Variants in C12orf42 observed in about 807,000 individuals in gnomAD.
C12orf42 encodes chromosome 12 open reading frame 42, also known as uncharacterized protein C12orf42.
Under a neutral mutation model 21.6 loss-of-function variants are expected in C12orf42, and 25 were observed. That is an observed-to-expected ratio of 1.16 (90% CI 0.84 to 1.62). C12orf42 has a LOEUF of 1.62. Among genes scored for constraint, C12orf42 ranks in the 40% most tolerant of loss-of-function variants. C12orf42 has a pLI of 0.00. For synonymous variants in C12orf42, 174 were observed against 175.0 expected (o/e 0.99, Z 0.05); for missense variants, 483 against 459.3 (o/e 1.05, Z -0.47).
chr12:103,534,267 T>G, the C12orf42 span, among the ~76,000 whole-genome samples: 1 of 152,204 alleles, frequency 6.6e-6, no homozygotes, highest in African/African-American at 2.4e-5. Context: ...CCACAGAAAT[T>G]CTTCTGAGGC....
the C12orf42 span, among the ~76,000 whole-genome samples, chr12:103,174,618 A>C: frequency 4.7e-5 from 7 of 148,284 alleles, no homozygotes; most frequent in Admixed American, 1.3e-4. Context: ...GTTCCCTCTG[A>C]AAATCTGTTA....
chr12:103,552,964 C>T, the C12orf42 span, among the ~76,000 whole-genome samples: 10 of 152,130 alleles, frequency 6.6e-5, no homozygotes, highest in Non-Finnish European at 1.2e-4. Context: ...CACTCACTAT[C>T]ATGAGAACAG....
In C12orf42 at chr12:103,306,262, T is replaced by A; in HGVS notation, c.343A>T (p.Ser115Cys). 6.2e-7 allele frequency: 1 copy of A among 1,613,864 alleles called. No individual in the cohort carries two copies. The highest frequency in any genetic ancestry group is 2.2e-5 in the East Asian group (1 of 44,880). ...CQYIVPRCSV[S>C]TVSFDEESYE... Reference sequence around the variant, plus strand: ...CTTTCTTCATCAAAAGAAACTGTGCTTACAGAACACCTGGGGACTATGTAC... The same window carrying A: ...CTTTCTTCATCAAAAGAAACTGTGCATACAGAACACCTGGGGACTATGTAC... The change falls in exon 5 of 6, where the codon AGC (serine) becomes TGC (cysteine). Residue 115 changes from serine to cysteine, a missense_variant. Physicochemically the swap from Ser to Cys is moderately radical, Grantham distance 112. Coordinates refer to ENST00000548883, the MANE Select transcript of C12orf42 (RefSeq NM_198521.5).
the C12orf42 span, among the ~76,000 whole-genome samples, chr12:103,516,327 A>G: frequency 2.6e-5 from 4 of 152,260 alleles, no homozygotes; most frequent in Non-Finnish European, 5.9e-5. Flanking sequence ...GATTCCATAT[A>G]CAAATAACTT....
At chr12:103,445,803 G>T (rs1342156984) in intron 2 of C12orf42, among the ~76,000 whole-genome samples, 1 of 151,888 alleles carries the variant, frequency 6.6e-6, no homozygotes. Flanking sequence ...TTTGGGTCTT[G>T]TTTTTGAAAA....
At chr12:103,066,404 C>T in the C12orf42 span, among the ~76,000 whole-genome samples, 1 of 152,190 alleles carries the variant, frequency 6.6e-6, no homozygotes, top group African/African-American at 2.4e-5. Context: ...TGCCTTATCT[C>T]CCCCATCCTG....
the C12orf42 span, among the ~76,000 whole-genome samples, chr12:103,546,496 C>T: frequency 6.6e-6 from 1 of 151,986 alleles, no homozygotes. Context: ...AAAATAAACA[C>T]TTAGCAGAAA....
intron 3 of C12orf42, among the ~76,000 whole-genome samples, chr12:103,398,236 T>C (rs1222055883): frequency 6.6e-6 from 1 of 152,216 alleles, no homozygotes; most frequent in Non-Finnish European, 1.5e-5. Context: ...TCATCTTTCA[T>C]TACAGTTTTT....
the C12orf42 span, among the ~76,000 whole-genome samples, chr12:103,221,892 T>G: frequency 3.5e-4 from 54 of 152,264 alleles, 1 homozygote; most frequent in African/African-American, 1.2e-3. Flanking sequence ...GAAGACAGGA[T>G]TTGTCTTCTT....
At chr12:103,428,927 G>A (rs1269103063) in intron 2 of C12orf42, among the ~76,000 whole-genome samples, 1 of 152,006 alleles carries the variant, frequency 6.6e-6, no homozygotes, top group East Asian at 1.9e-4. Context: ...ACCCCTTCAT[G>A]CTAAAAACTG....
At position 103,270,500 on chromosome 12, in the gene C12orf42, T is replaced by C. The variant is rs77147201; in HGVS notation, n.399-647A>G. On this transcript the variant is annotated intron_variant and non_coding_transcript_variant, in intron 5 of 6. Transcript: ENST00000546526. Reference sequence around the variant, plus strand: ...TTTACATTTTTATTATTGATTTTTTTCCCAAAGATATTTATTTTTATTTTT... The same window carrying C: ...TTTACATTTTTATTATTGATTTTTTCCCCAAAGATATTTATTTTTATTTTT... Among the ~76,000 whole-genome samples the C allele has an allele frequency of 0.011, 1,744 of 151,856 alleles. 95 individuals carry two copies. The East Asian group carries it at 0.19, about 16-fold the overall frequency.
intron 4 of C12orf42, among the ~76,000 whole-genome samples, chr12:103,324,230 C>G (rs1003282095): frequency 5.3e-5 from 8 of 151,918 alleles, no homozygotes; most frequent in Non-Finnish European, 7.4e-5. Context: ...CATTTAGAGC[C>G]TATAAACTCT....
chr12:103,141,143 A>G, the C12orf42 span, among the ~76,000 whole-genome samples: 1 of 152,208 alleles, frequency 6.6e-6, no homozygotes, highest in African/African-American at 2.4e-5. Flanking sequence ...TCTTTACTAA[A>G]CACAGTTCAG....
intron 10 of C12orf42, among the ~76,000 whole-genome samples, chr12:103,260,679 A>G: frequency 6.6e-6 from 1 of 152,214 alleles, no homozygotes; most frequent in East Asian, 1.9e-4. Flanking sequence ...TTTTCACTGA[A>G]TGTGGCCAAA....
the C12orf42 span, among the ~76,000 whole-genome samples, chr12:103,207,848 A>G: frequency 4.6e-5 from 7 of 152,174 alleles, no homozygotes; most frequent in Non-Finnish European, 5.9e-5. Context: ...AAAGAGAAAG[A>G]TTTTCATCAC....
chr12:103,192,310 C>T, the C12orf42 span, among the ~76,000 whole-genome samples: 1 of 152,030 alleles, frequency 6.6e-6, no homozygotes, highest in African/African-American at 2.4e-5. Context: ...CAAGACCATC[C>T]TGGCCAACAT....
chr12:103,547,306 G>A, the C12orf42 span, among the ~76,000 whole-genome samples: 1 of 152,182 alleles, frequency 6.6e-6, no homozygotes, highest in African/African-American at 2.4e-5. Flanking sequence ...GTGGCTAGTA[G>A]CTAATGCATT....
intron 10 of C12orf42, among the ~76,000 whole-genome samples, chr12:103,248,908 A>AAG (rs2034142366): frequency 6.6e-6 from 1 of 152,036 alleles, no homozygotes; most frequent in Non-Finnish European, 1.5e-5. Flanking sequence ...TTTACATATA[A>AAG]TTGTTGAACC....
rs531871345 is a variant in C12orf42 at position 103,464,771 on chromosome 12, G to A, written c.78+13578C>T. On this transcript the variant is annotated intron_variant, in intron 2 of 5. Coordinates refer to ENST00000548883, the MANE Select transcript of C12orf42 (RefSeq NM_198521.5). ...GGCGTAAGGAAGGGGTCCAGTTTCA[G>A]TTTTCTGCATATCACTAGCCAGTTC... Among the ~76,000 whole-genome samples, 18 of 152,236 alleles carry A rather than the reference G, an allele frequency of 1.2e-4. No individual in the cohort carries two copies. The East Asian group carries it at 2.7e-3, about 23-fold the overall frequency.
Sources: gnomAD v4.1 joint callset for allele counts (sites outside exome capture counted in the v4.1 genomes callset) on GRCh38, gnomAD v4.1.1 for gene constraint, MANE v1.5 for transcripts, NCBI Gene and HGNC (gene_info 2026-07-23, HGNC 2026-07-21) for gene names.